Variants in ADGRL4 observed in about 807,000 individuals in gnomAD.
ADGRL4 encodes adhesion G protein-coupled receptor L4, also known as EGF, latrophilin and seven transmembrane domain containing 1.
A neutral mutation model predicts 74.8 loss-of-function variants in ADGRL4; 90 were observed. The observed-to-expected ratio is 1.20, with a 90% CI of 1.02 to 1.43. The LOEUF is 1.43. ADGRL4 is among the 40% of genes most tolerant of loss of function. ADGRL4 has a pLI of 0.00. For synonymous variants in ADGRL4, 311 were observed against 279.2 expected (o/e 1.11, Z -1.14); for missense variants, 881 against 814.3 (o/e 1.08, Z -1.00).
chr1:79,006,499 G>A, intron 1 of ADGRL4, 134 bp downstream of exon 1: 1 of 980,052 alleles, frequency 1.0e-6, no homozygotes, highest in South Asian at 1.6e-5. Flanking sequence ...ATCCTGAGAA[G>A]TACTAAATCA....
At chr1:78,944,842 G>T (rs1037842058) in intron 3 of ADGRL4, among the ~76,000 whole-genome samples, 1 of 152,026 alleles carries the variant, frequency 6.6e-6, no homozygotes, top group Non-Finnish European at 1.5e-5. Context: ...AGGTACATGA[G>T]ACTGGATGAT....
chr1:78,997,709 A>G (rs1650747241), intron 2 of ADGRL4, among the ~76,000 whole-genome samples: 2 of 152,040 alleles, frequency 1.3e-5, no homozygotes. Flanking sequence ...TATATTGTTC[A>G]CTTTTCCTCA....
At chr1:78,943,124 C>A (rs1460257548) in intron 3 of ADGRL4, among the ~76,000 whole-genome samples, 2 of 151,674 alleles carry the variant, frequency 1.3e-5, no homozygotes, top group Non-Finnish European at 2.9e-5. Context: ...ATAAAATGTT[C>A]AATTATAGTA....
chr1:78,993,786 G>A (rs1650661332), intron 2 of ADGRL4, among the ~76,000 whole-genome samples: 1 of 151,976 alleles, frequency 6.6e-6, no homozygotes, highest in Non-Finnish European at 1.5e-5. Context: ...TGTTAGCTAG[G>A]ATGGTCTCGA....
At chr1:78,934,667 T>C (rs562347407) in intron 7 of ADGRL4, among the ~76,000 whole-genome samples, 1 of 152,152 alleles carries the variant, frequency 6.6e-6, no homozygotes, top group Non-Finnish European at 1.5e-5. Context: ...GACAAAGGTC[T>C]AATACCCAGC....
chr1:78,998,853 T>G (rs1557525769), intron 2 of ADGRL4, among the ~76,000 whole-genome samples: 1 of 152,172 alleles, frequency 6.6e-6, no homozygotes, highest in Admixed American at 6.5e-5. Context: ...ATATACTTTC[T>G]CTGGCAAATT....
intron 12 of ADGRL4, among the ~76,000 whole-genome samples, chr1:78,917,404 A>G (rs1201206179): frequency 6.6e-6 from 1 of 150,718 alleles, no homozygotes; most frequent in Non-Finnish European, 1.5e-5. Flanking sequence ...AAAAAGTATT[A>G]TTATATTTTA....
chr1:78,962,449 A>G (rs1649973614), intron 2 of ADGRL4, among the ~76,000 whole-genome samples: 1 of 152,114 alleles, frequency 6.6e-6, no homozygotes, highest in Non-Finnish European at 1.5e-5. Flanking sequence ...ATCTGTGAAG[A>G]TGGCAGCCAT....
intron 2 of ADGRL4, among the ~76,000 whole-genome samples, chr1:78,985,149 T>C (rs983197590): frequency 6.6e-6 from 1 of 151,672 alleles, no homozygotes; most frequent in Non-Finnish European, 1.5e-5. Flanking sequence ...AAAATGGGAG[T>C]GGACTTTCAG....
At chr1:78,903,484 T>C (rs1305206194) in intron 12 of ADGRL4, among the ~76,000 whole-genome samples, 2 of 152,200 alleles carry the variant, frequency 1.3e-5, no homozygotes, top group Non-Finnish European at 2.9e-5. Flanking sequence ...TCAGATTTGA[T>C]TAAATGGTAT....
chr1:78,966,622 C>A (rs1650062321), intron 2 of ADGRL4, among the ~76,000 whole-genome samples: 1 of 152,104 alleles, frequency 6.6e-6, no homozygotes, highest in African/African-American at 2.4e-5. Flanking sequence ...TTGGAATGGA[C>A]AGATGAGCAG....
intron 1 of ADGRL4, 40 bp from the exon 2 acceptor site, chr1:79,005,259 A>G (rs754068717): frequency 2.7e-6 from 4 of 1,457,360 alleles, no homozygotes; most frequent in Non-Finnish European, 3.8e-6. Flanking sequence ...AAAAAGTAAA[A>G]CAAACATCTC....
At chr1:78,976,685 A>G (rs559473056) in intron 2 of ADGRL4, among the ~76,000 whole-genome samples, 47 of 151,136 alleles carry the variant, frequency 3.1e-4, no homozygotes, top group African/African-American at 1.1e-3. Context: ...ACTTAGACAA[A>G]ATGGACAAAT....
chr1:78,992,820 G>A (rs1288925897), intron 2 of ADGRL4, among the ~76,000 whole-genome samples: 1 of 151,984 alleles, frequency 6.6e-6, no homozygotes, highest in Admixed American at 6.6e-5. Flanking sequence ...AATATATACT[G>A]TACAGTGGTG....
At chr1:78,955,013 C>T (rs558857740) in intron 2 of ADGRL4, among the ~76,000 whole-genome samples, 2 of 152,176 alleles carry the variant, frequency 1.3e-5, no homozygotes, top group African/African-American at 4.8e-5. Context: ...AAATATTATT[C>T]TAAATCGTGA....
At chr1:78,941,965 C>T (rs1318866383) in intron 3 of ADGRL4, among the ~76,000 whole-genome samples, 1 of 151,704 alleles carries the variant, frequency 6.6e-6, no homozygotes, top group Non-Finnish European at 1.5e-5. Context: ...TTTGGGAGGC[C>T]GAGGCGGGTG....
intron 8 of ADGRL4, among the ~76,000 whole-genome samples, chr1:78,925,759 T>A (rs1320446471): frequency 1.3e-5 from 2 of 152,066 alleles, no homozygotes; most frequent in African/African-American, 4.8e-5. Context: ...AAATACGCGT[T>A]TTGTTTTGTG....
At chr1:78,971,382 G>C (rs1197875276) in intron 2 of ADGRL4, among the ~76,000 whole-genome samples, 1 of 152,118 alleles carries the variant, frequency 6.6e-6, no homozygotes, top group South Asian at 2.1e-4. Context: ...GGGAATGAGA[G>C]AGCCAGGTGG....
In ADGRL4 at chr1:79,005,219, A is replaced by G. The variant is rs1453259993; in HGVS notation, c.23T>C (p.Val8Ala). The G allele has an allele frequency of 1.2e-6, 2 of 1,603,048 alleles. No homozygotes were observed. Among genetic ancestry groups the G allele is most frequent in the African/African-American group, 1.3e-5 (1 of 74,476 alleles). The change falls in exon 2 of 15, where the codon GTG becomes GCG. Residue 8 changes from valine (V) to alanine (A), a missense_variant and splice_region_variant. Physicochemically the swap from Val to Ala is moderately conservative, Grantham distance 64. Coordinates refer to ENST00000370742, the MANE Select transcript of ADGRL4 (RefSeq NM_022159.4). MKRLPLLVVFSTLLNCSY... is the reference protein window; with the variant it reads MKRLPLLAVFSTLLNCSY... ...ACAATTCAACAAAGTGGAAAAAACC[A>G]CTAAATAAAATAGAGAAATACACCT...
Sources: allele counts gnomAD v4.1 joint callset (sites outside exome capture counted in the v4.1 genomes callset), GRCh38; gene constraint gnomAD v4.1.1; transcripts MANE v1.5; gene names NCBI Gene and HGNC (gene_info 2026-07-23, HGNC 2026-07-21).